The following ZNF197 variants were observed in gnomAD, a reference collection of about 807,000 sequenced individuals.
ZNF197 encodes zinc finger protein 197.
Under a neutral mutation model 27.4 loss-of-function variants are expected in ZNF197, and 14 were observed. That is an observed-to-expected ratio of 0.51 (90% CI 0.34 to 0.80). The LOEUF (loss-of-function observed/expected upper bound fraction) is 0.80. Among genes scored for constraint, ZNF197 ranks in the 30% least tolerant of loss-of-function variants. ZNF197 has a pLI of 0.02. For missense variants in ZNF197, 1,090 were observed against 1,222.6 expected (o/e 0.89, Z 1.62); for synonymous variants, 415 against 420.0 (o/e 0.99, Z 0.15).
Position 44,644,059 on chromosome 3 carries a change from C to G in ZNF197, c.2929C>G (p.Gln977Glu), listed in dbSNP as rs200767136. The part of the protein sequence containing the change: ...FRQRKNLTVH[Q>E]KIHTDEKPCE... ...GCAAAGAAAAAACCTTACTGTACATCAGAAAATCCACACAGATGAAAAACC... is the reference window on the plus strand; with the variant it reads ...GCAAAGAAAAAACCTTACTGTACATGAGAAAATCCACACAGATGAAAAACC... Residue 977 changes from glutamine to glutamate, a missense_variant, in exon 6 of 6, where the codon CAG (glutamine) becomes GAG (glutamate). Coordinates refer to ENST00000344387, the MANE Select transcript of ZNF197 (RefSeq NM_006991.5). 16 of 1,613,946 alleles carry G rather than the reference C, an allele frequency of 9.9e-6. No homozygotes were observed. Among genetic ancestry groups the G allele is most frequent in the Non-Finnish European group, 1.4e-5 (16 of 1,180,016 alleles).
Position 44,646,183 on chromosome 3 carries a change from G to A in ZNF197, c.*1963G>A. ...ATCTGCCTCAGAAAAAATCTCTTCAGTTCTTGGAGCCTTGAATTCCTCATC... is the reference window on the plus strand; with the variant it reads ...ATCTGCCTCAGAAAAAATCTCTTCAATTCTTGGAGCCTTGAATTCCTCATC... On this transcript the variant is annotated 3_prime_UTR_variant, in exon 6 of 6. Coordinates refer to ENST00000344387, the MANE Select transcript of ZNF197 (RefSeq NM_006991.5). 1.0e-6 allele frequency: 1 copy of A among 981,548 alleles called. No homozygotes were observed. Among genetic ancestry groups the A allele is most frequent in the Non-Finnish European group, 1.2e-6 (1 of 826,508 alleles). The allele number at this position is 981,548 out of a possible 1,614,324, so 60.8% of individuals were successfully genotyped here.
chr3:44,644,681 A>G lies in ZNF197; in HGVS notation c.*461A>G, dbSNP rs1044092916. On this transcript the variant is annotated 3_prime_UTR_variant, in exon 6 of 6. Transcript: ENST00000344387. ...TCCCAACTTTCAAGTCTACAAAAAC[A>G]TAATCCAAATCTAATAACATAGTTG... 5 of 987,146 alleles carry G rather than the reference A, an allele frequency of 5.1e-6. No homozygotes were observed. The highest frequency in any genetic ancestry group is 1.7e-5 in the African/African-American group (1 of 57,260). 61.1% of individuals were successfully genotyped at this position (987,146 alleles called of 1,614,324 possible).
intron 5 of ZNF197, among the ~76,000 whole-genome samples, chr3:44,634,765 T>A (rs1238404765): frequency 6.6e-6 from 1 of 152,236 alleles, no homozygotes; most frequent in Non-Finnish European, 1.5e-5. Context: ...TTCTTATTTA[T>A]CATTTTATTT....
intron 1 of ZNF197, among the ~76,000 whole-genome samples, chr3:44,626,797 A>G (rs1232286430): frequency 6.6e-6 from 1 of 152,184 alleles, no homozygotes; most frequent in African/African-American, 2.4e-5. Context: ...ATACATGTAT[A>G]TACCTTTTAA....
intron 1 of ZNF197, among the ~76,000 whole-genome samples, chr3:44,626,441 A>G (rs1701665082): frequency 6.6e-6 from 1 of 152,254 alleles, no homozygotes; most frequent in Admixed American, 6.5e-5. Context: ...GCAAAGTCAC[A>G]TGGCATATAT....
rs939363817 is a variant in ZNF197, at chr3:44,646,137, G to A, written c.*1917G>A. 20 of 984,958 alleles carry A rather than the reference G, an allele frequency of 2.0e-5. No individual in the cohort carries two copies. Among genetic ancestry groups the A allele is most frequent in the Non-Finnish European group, 2.4e-5 (20 of 829,674 alleles). 61.0% of individuals were successfully genotyped at this position (984,958 alleles called of 1,614,324 possible). The stretch of plus-strand genomic sequence containing the variant: ...CCTAAGGCTTAAAGTCTTAAGACCT[G>A]GATGTGGTTCAGGTTTTGCCATCTG... On this transcript the variant is annotated 3_prime_UTR_variant, in exon 6 of 6. Coordinates refer to ENST00000344387, the MANE Select transcript of ZNF197 (RefSeq NM_006991.5).
chr3:44,642,308 C>G lies in ZNF197; in HGVS notation c.1178C>G (p.Thr393Ser), dbSNP rs1559473083. The G allele has an allele frequency of 6.2e-7, 1 of 1,614,156 alleles. No individual in the cohort carries two copies. Among genetic ancestry groups the G allele is most frequent in the South Asian group, 1.1e-5 (1 of 91,080 alleles). ...CTTATAAACCATCGGAGAATCCACA[C>G]TGGTGAGAAACCTCATAAATGTAAG... ...SHLINHRRIH[T>S]GEKPHKCKEC... The change falls in exon 6 of 6, where the codon ACT becomes AGT. Residue 393 changes from threonine to serine, a missense_variant. Physicochemically the swap from Thr to Ser is moderately conservative, Grantham distance 58. Transcript: ENST00000344387.
intron 5 of ZNF197, among the ~76,000 whole-genome samples, chr3:44,641,009 T>C (rs1305073405): frequency 1.3e-5 from 2 of 152,248 alleles, no homozygotes; most frequent in Non-Finnish European, 2.9e-5. Context: ...GAAGATGATG[T>C]TACTGCTATT....
intron 1 of ZNF197, among the ~76,000 whole-genome samples, chr3:44,627,234 A>C (rs1701720279): frequency 6.6e-6 from 1 of 152,236 alleles, no homozygotes; most frequent in Admixed American, 6.5e-5. Flanking sequence ...TATTTTTAAA[A>C]ATAAGGAAAA....
At position 44,642,896 on chromosome 3, in the gene ZNF197, C is replaced by T. The variant is rs779389737; in HGVS notation, c.1766C>T (p.Thr589Ile). ...CTCCTCTTACATCAGAGAGTCCACA[C>T]AGAAAAGAAAACCTTTGGTTGTAAA... ...KSLLLHQRVH[T>I]EKKTFGCKKC... Residue 589 changes from threonine to isoleucine, a missense_variant, in exon 6 of 6, where the codon ACA (threonine) becomes ATA (isoleucine). Physicochemically the swap from Thr to Ile is moderately conservative, Grantham distance 89. Coordinates refer to ENST00000344387, the MANE Select transcript of ZNF197 (RefSeq NM_006991.5). 3.8e-5 allele frequency: 61 copies of T among 1,613,988 alleles called. No individual in the cohort carries two copies. The East Asian group carries it at 7.4e-4, about 19-fold the overall frequency.
Position 44,642,444 on chromosome 3 carries a change from T to A in ZNF197, c.1314T>A (p.Ser438Arg), listed in dbSNP as rs767344568. The A allele has an allele frequency of 1.7e-5, 27 of 1,613,912 alleles. No homozygotes were observed. The Admixed American group carries it at 3.5e-4, about 21-fold the overall frequency. The change falls in exon 6 of 6, where the codon AGT becomes AGA. Residue 438 changes from serine (S) to arginine (R), a missense_variant. Physicochemically the swap from Ser to Arg is moderately radical, Grantham distance 110. Coordinates refer to ENST00000344387, the MANE Select transcript of ZNF197 (RefSeq NM_006991.5). ...AATGTGGGAAAGCATTTTCTCAAAG[T>A]GCTTACCTTCTAAACCATCAGAGGA... is the stretch of plus-strand genomic sequence containing the variant. ...CNECGKAFSQ[S>R]AYLLNHQRIH...
intron 5 of ZNF197, among the ~76,000 whole-genome samples, chr3:44,634,339 T>A (rs1702163645): frequency 6.6e-6 from 1 of 152,108 alleles, no homozygotes; most frequent in African/African-American, 2.4e-5. Context: ...TTCAATATTA[T>A]TAATTTTTTT....
chr3:44,647,719 A>G lies in ZNF197; in HGVS notation c.*3499A>G, dbSNP rs555932848. On this transcript the variant is annotated 3_prime_UTR_variant, in exon 6 of 6. Coordinates refer to ENST00000344387, the MANE Select transcript of ZNF197 (RefSeq NM_006991.5). ...ACAAAAGGCCATATTCTGTATGAAAATATTCATATAACATTCTCAAAATGA... is the reference window on the plus strand; with the variant it reads ...ACAAAAGGCCATATTCTGTATGAAAGTATTCATATAACATTCTCAAAATGA... 1.4e-3 allele frequency: 207 copies of G among 152,356 alleles called. 1 individual carries two copies. Among genetic ancestry groups the G allele is most frequent in the African/African-American group, 4.9e-3 (205 of 41,584 alleles). 9.4% of individuals were successfully genotyped at this position (152,356 alleles called of 1,614,324 possible). A position where few individuals can be genotyped will look rare whatever the true frequency, so the allele number is the denominator to read the frequency against.
At chr3:44,636,166 G>T (rs1356206538) in intron 5 of ZNF197, among the ~76,000 whole-genome samples, 1 of 152,124 alleles carries the variant, frequency 6.6e-6, no homozygotes. Flanking sequence ...TTAGCCGGGT[G>T]TGGTGGCAGG....
rs1702979622 is a variant in ZNF197 at position 44,646,726 on chromosome 3, T to C, written c.*2506T>C. The C allele has an allele frequency of 1.9e-6, 1 of 514,422 alleles. No individual in the cohort carries two copies. The allele number at this position is 514,422 out of a possible 1,614,324, so 31.9% of individuals were successfully genotyped here. ...ATTTCGATATGAAAGGTATAAAACA[T>C]GGATGAGGAGGCTTGTTTTTAAAAG... is the stretch of plus-strand genomic sequence containing the variant. On this transcript the variant is annotated 3_prime_UTR_variant, in exon 6 of 6. Coordinates refer to ENST00000344387, the MANE Select transcript of ZNF197 (RefSeq NM_006991.5).
chr3:44,642,575 A>G lies in ZNF197; in HGVS notation c.1445A>G (p.Tyr482Cys), dbSNP rs1255634276. The G allele has an allele frequency of 1.2e-5, 19 of 1,614,078 alleles. No individual in the cohort carries two copies. The highest frequency in any genetic ancestry group is 1.4e-5 in the Non-Finnish European group (16 of 1,180,032). ...HLRRHSGERP[Y>C]KCNECGKVFS... ...AGGCGCCATTCAGGGGAGAGACCTT[A>G]TAAGTGTAATGAATGTGGGAAAGTC... is the stretch of plus-strand genomic sequence containing the variant. Residue 482 changes from tyrosine to cysteine, a missense_variant, in exon 6 of 6, where the codon TAT (tyrosine) becomes TGT (cysteine). By Grantham distance (194) the Tyr-to-Cys change is radical. Coordinates refer to ENST00000344387, the MANE Select transcript of ZNF197 (RefSeq NM_006991.5).
chr3:44,631,360 G>T, intron 3 of ZNF197, 139 bp downstream of exon 3: 2 of 1,082,604 alleles, frequency 1.8e-6, no homozygotes, highest in Non-Finnish European at 2.6e-6. Context: ...CTGTTCTGTT[G>T]TTCTCTCCTT....
intron 5 of ZNF197, among the ~76,000 whole-genome samples, chr3:44,636,725 A>T (rs1374343357): frequency 6.6e-6 from 1 of 152,198 alleles, no homozygotes; most frequent in African/African-American, 2.4e-5. Flanking sequence ...TCTACCTAGA[A>T]GTAGAATTGC....
Position 44,642,475 on chromosome 3 carries a change from A to G in ZNF197, c.1345A>G (p.Thr449Ala). 6.2e-7 allele frequency: 1 copy of G among 1,614,118 alleles called. No individual in the cohort carries two copies. The highest frequency in any genetic ancestry group is 2.2e-5 in the East Asian group (1 of 44,868). The stretch of plus-strand genomic sequence containing the variant: ...CCTTCTAAACCATCAGAGGATCCAC[A>G]CTGGGGAGAAACCTTATAAGTGTAA... ...AYLLNHQRIH[T>A]GEKPYKCKEC... The change falls in exon 6 of 6, where the codon ACT becomes GCT. Residue 449 changes from threonine to alanine, a missense_variant. By Grantham distance (58) the Thr-to-Ala change is moderately conservative. Coordinates refer to ENST00000344387, the MANE Select transcript of ZNF197 (RefSeq NM_006991.5).
Sources: gnomAD v4.1 joint callset for allele counts (sites outside exome capture counted in the v4.1 genomes callset) on GRCh38, gnomAD v4.1.1 for gene constraint, MANE v1.5 for transcripts, NCBI Gene and HGNC (gene_info 2026-07-23, HGNC 2026-07-21) for gene names.